Variants in ATXN1 observed in about 807,000 individuals in gnomAD.
ATXN1 encodes the protein ataxin-1.
In ATXN1, 8 loss-of-function variants were observed where a neutral mutation model predicts 56.4. The ratio of observed to expected loss-of-function variants is 0.14; its 90% confidence interval spans 0.08 to 0.26. ATXN1 has a LOEUF of 0.26. Among genes scored for constraint, ATXN1 ranks in the 10% least tolerant of loss-of-function variants. The pLI, the probability that ATXN1 is intolerant of heterozygous loss-of-function variation, is 1.00. For missense variants in ATXN1, 987 were observed against 1,106.5 expected, an observed-to-expected ratio of 0.89 and a Z score of 1.53; for synonymous variants, 514 against 494.6, an observed-to-expected ratio of 1.04 and a Z score of -0.52.
chr6:16,306,688 T>C lies in ATXN1; in HGVS notation c.2089A>G (p.Lys697Glu). The change falls in exon 8 of 8, where the codon AAG (lysine) becomes GAG (glutamate). Residue 697 changes from lysine to glutamate, a missense_variant. Lys to Glu is a moderately conservative substitution (Grantham distance 56). Around this residue, in one of 3 missense-constraint regions of ATXN1, gnomAD observed 196 missense variants for 196.7 expected, o/e 1.00. Coordinates refer to ENST00000436367, the MANE Select transcript of ATXN1 (RefSeq NM_001128164.2). This position sits in a 1 kb window ranked among gnomAD's most constrained non-coding sequence, Gnocchi z 5.2. ...CTGGCGGGATCCACGGGCTGGCCCT[T>C]TTTAACAGAGCCGTTCTTCAGGTTC... ...LKNLKNGSVK[K>E]GQPVDPASVL... The C allele has an allele frequency of 1.2e-6, 2 of 1,614,210 alleles. No homozygotes were observed. Among genetic ancestry groups the C allele is most frequent in the Non-Finnish European group, 1.7e-6 (2 of 1,180,046 alleles).
At chr6:16,400,396 C>T (rs968527434) in intron 6 of ATXN1, among the ~76,000 whole-genome samples, 13 of 151,984 alleles carry the variant, frequency 8.6e-5, no homozygotes, top group Non-Finnish European at 1.6e-4. Context: ...CCTCTATCCT[C>T]ATTCGAAAAT....
chr6:16,423,913 G>A (rs1422530487), intron 6 of ATXN1, among the ~76,000 whole-genome samples: 3 of 152,212 alleles, frequency 2.0e-5, no homozygotes, highest in Non-Finnish European at 2.9e-5. Flanking sequence ...TGAAGCAAAC[G>A]AAACTTATGG....
At chr6:16,572,568 G>C (rs1004385217) in intron 4 of ATXN1, among the ~76,000 whole-genome samples, 7 of 152,096 alleles carry the variant, frequency 4.6e-5, no homozygotes, top group African/African-American at 1.7e-4. Context: ...TTATTCTTGA[G>C]TAATAAGTGG....
chr6:16,723,950 T>C (rs1306315709), intron 2 of ATXN1, among the ~76,000 whole-genome samples: 2 of 152,188 alleles, frequency 1.3e-5, no homozygotes, highest in African/African-American at 4.8e-5. Context: ...ATGTTGATTC[T>C]TACACAAATC....
intron 6 of ATXN1, among the ~76,000 whole-genome samples, chr6:16,377,406 G>T (rs1762162589): frequency 6.6e-6 from 1 of 152,158 alleles, no homozygotes; most frequent in Non-Finnish European, 1.5e-5. Context: ...GCTTTTCTGT[G>T]TGAAGAATGT....
At chr6:16,403,368 TA>T (rs1292041426) in intron 6 of ATXN1, among the ~76,000 whole-genome samples, 2 of 152,142 alleles carry the variant, frequency 1.3e-5, no homozygotes, top group Non-Finnish European at 2.9e-5. Flanking sequence ...AAAAATTTTT[TA>T]AGACAGGGTC....
chr6:16,709,915 C>A (rs947515512), intron 2 of ATXN1, among the ~76,000 whole-genome samples: 1 of 152,102 alleles, frequency 6.6e-6, no homozygotes, highest in East Asian at 1.9e-4. Flanking sequence ...CACTTAAAAC[C>A]AATCAATATA....
At chr6:16,367,744 T>C (rs542665343) in intron 6 of ATXN1, among the ~76,000 whole-genome samples, 4 of 138,112 alleles carry the variant, frequency 2.9e-5, no homozygotes, top group East Asian at 2.2e-4. Flanking sequence ...AAGGTATGCC[T>C]AGCCTTGCAG....
intron 6 of ATXN1, among the ~76,000 whole-genome samples, chr6:16,449,182 T>C (rs1189990923): frequency 6.6e-6 from 1 of 152,092 alleles, no homozygotes; most frequent in Admixed American, 6.6e-5. Context: ...TACGTCCACT[T>C]GCATGAAATT....
rs77837566 is a variant in ATXN1, at chr6:16,756,425, T to C, written c.-729-3078A>G. 9.1e-3 allele frequency among the ~76,000 whole-genome samples: 1,392 copies of C among 152,294 alleles called. 14 individuals carry two copies. The highest frequency in any genetic ancestry group is 0.014 in the Non-Finnish European group (950 of 67,992). On this transcript the variant is annotated intron_variant, in intron 1 of 7. Transcript: ENST00000436367. ...TCTTATCTTAGAAAAGGAAGTTCTATATGTAAGGTCCTAAAACAGAAATTA... is the reference window on the plus strand; with the variant it reads ...TCTTATCTTAGAAAAGGAAGTTCTACATGTAAGGTCCTAAAACAGAAATTA...
chr6:16,414,590 C>T (rs1417417548), intron 6 of ATXN1, among the ~76,000 whole-genome samples: 8 of 152,200 alleles, frequency 5.3e-5, no homozygotes, highest in African/African-American at 1.4e-4. Flanking sequence ...CTCACTGCTT[C>T]ATCAGCTTAT....
intron 7 of ATXN1, among the ~76,000 whole-genome samples, chr6:16,308,893 C>T (rs894655005): frequency 3.3e-5 from 5 of 151,944 alleles, no homozygotes; most frequent in African/African-American, 1.2e-4. Context: ...AGATTAAAGA[C>T]AGCTTGAGAA....
chr6:16,723,307 A>G (rs1759783194), intron 2 of ATXN1, among the ~76,000 whole-genome samples: 1 of 152,188 alleles, frequency 6.6e-6, no homozygotes, highest in South Asian at 2.1e-4. Flanking sequence ...TCATTTTATT[A>G]AAAAATAATA....
At chr6:16,330,390 CTTTTTT>C (rs60608169) in intron 6 of ATXN1, among the ~76,000 whole-genome samples, 16 of 119,828 alleles carry the variant, frequency 1.3e-4, no homozygotes, top group African/African-American at 2.9e-4. Context: ...TCCTTCCTTC[CTTTTTT>C]TTTTTTTTTT....
intron 6 of ATXN1, among the ~76,000 whole-genome samples, chr6:16,381,868 G>A (rs1758134036): frequency 6.6e-6 from 1 of 152,160 alleles, no homozygotes; most frequent in South Asian, 2.1e-4. Flanking sequence ...GTCATGGAGA[G>A]TTATTATTAA....
chr6:16,445,888 G>A (rs1480369661), intron 6 of ATXN1, among the ~76,000 whole-genome samples: 1 of 151,212 alleles, frequency 6.6e-6, no homozygotes, highest in Non-Finnish European at 1.5e-5. Context: ...ATTCCATGGT[G>A]TATATGTGCC....
At chr6:16,589,604 T>C (rs1435183498) in intron 3 of ATXN1, among the ~76,000 whole-genome samples, 2 of 152,132 alleles carry the variant, frequency 1.3e-5, no homozygotes. Flanking sequence ...TAATAACACC[T>C]ACCTCACAGG....
intron 6 of ATXN1, among the ~76,000 whole-genome samples, chr6:16,388,861 G>A (rs566000539): frequency 3.9e-5 from 6 of 152,258 alleles, no homozygotes; most frequent in African/African-American, 1.4e-4. Context: ...TACTGCTTTA[G>A]ATTCAAGTAA....
chr6:16,378,580 G>C (rs968879017), intron 6 of ATXN1, among the ~76,000 whole-genome samples: 1 of 142,872 alleles, frequency 7.0e-6, no homozygotes, highest in African/African-American at 2.6e-5. Context: ...TTTATTTAGA[G>C]ACAGGGTCTC....
Sources: allele counts gnomAD v4.1 joint callset (sites outside exome capture counted in the v4.1 genomes callset), GRCh38; gene constraint gnomAD v4.1.1; regional missense constraint gnomAD v4.1.1; non-coding constraint Gnocchi (gnomAD v3.1); transcripts MANE v1.5; gene names NCBI Gene and HGNC (gene_info 2026-07-23, HGNC 2026-07-21).